HNF4A: variants seen among roughly 807,000 people sequenced by gnomAD.
HNF4A encodes the protein hepatocyte nuclear factor 4-alpha.
HNF4A carries 15 observed loss-of-function variants against 52.4 expected under a neutral mutation model. The ratio of observed to expected loss-of-function variants is 0.29; its 90% CI spans 0.19 to 0.44. The LOEUF is 0.44. Ranked by LOEUF, HNF4A falls within the 20% of genes least tolerant of loss-of-function variation. The pLI, the probability that HNF4A is intolerant of heterozygous loss-of-function variation, is 1.00. For synonymous variants in HNF4A, 280 were observed against 264.4 expected (o/e 1.06, Z -0.57); for missense variants, 479 against 647.2 (o/e 0.74, Z 2.82).
Position 44,429,587 on chromosome 20 carries a change from G to T in HNF4A, c.1347G>T (p.Leu449=). ...CAGGGTCTGAGCCCTATAAGCTCCT[G>T]CCGGGAGCCGTCGCCACAATCGTCA... The change falls in exon 10 of 10, where the codon CTG becomes CTT. Residue 449 remains leucine (L), a synonymous_variant. Transcript: ENST00000316099. The T allele has an allele frequency of 1.2e-6, 2 of 1,613,904 alleles. No individual in the cohort carries two copies. Among genetic ancestry groups the T allele is most frequent in the Non-Finnish European group, 1.7e-6 (2 of 1,179,980 alleles).
In HNF4A at chr20:44,419,819, C is replaced by G; in HGVS notation, c.835C>G (p.Leu279Val). Residue 279 changes from leucine (L) to valine (V), a missense_variant, in exon 7 of 10, where the codon CTG (leucine) becomes GTG (valine). Leu to Val is a conservative substitution (Grantham distance 32). Coordinates refer to ENST00000316099, the MANE Select transcript of HNF4A (RefSeq NM_000457.6). ...CGAGCTGGTGCTGCCCTTCCAGGAG[C>G]TGCAGATCGATGACAATGAGTATGC... 1 of 1,614,158 alleles carries G rather than the reference C, an allele frequency of 6.2e-7. No homozygotes were observed. The highest frequency in any genetic ancestry group is 8.5e-7 in the Non-Finnish European group (1 of 1,180,010).
At chr20:44,401,147 ATCCACCGGC>A, upstream of HNF4A, 1 of 1,361,316 alleles carries the variant, frequency 7.3e-7, no homozygotes, top group Non-Finnish European at 9.7e-7. Flanking sequence ...CGCCCAGCCT[ATCCACCGGC>A]GGGGGACCGA....
intron 3 of HNF4A, among the ~76,000 whole-genome samples, chr20:44,407,962 C>T (rs1469310148): frequency 3.3e-5 from 5 of 152,132 alleles, no homozygotes; most frequent in Admixed American, 6.5e-5. Context: ...GTGGGTATCA[C>T]GTGATCTCCA....
chr20:44,397,362 C>G (rs1600690493), upstream of HNF4A, among the ~76,000 whole-genome samples: 2 of 152,012 alleles, frequency 1.3e-5, no homozygotes, highest in African/African-American at 4.8e-5. Context: ...ATAATTGATA[C>G]ATAATAATTG....
chr20:44,358,972 A>G (rs2062889684), intron 1 of HNF4A, among the ~76,000 whole-genome samples: 2 of 152,118 alleles, frequency 1.3e-5, no homozygotes, highest in South Asian at 4.2e-4. Context: ...TCCACGGCAC[A>G]CTGGTTTTGG....
chr20:44,415,166 A>G (rs2063645716), intron 5 of HNF4A, among the ~76,000 whole-genome samples: 3 of 152,164 alleles, frequency 2.0e-5, no homozygotes, highest in South Asian at 4.1e-4. Flanking sequence ...TCTTATCTGT[A>G]AAGTGGAAAT....
chr20:44,383,549 CTT>C (rs538493291), intron 1 of HNF4A, among the ~76,000 whole-genome samples: 42 of 137,462 alleles, frequency 3.1e-4, no homozygotes, highest in Non-Finnish European at 3.1e-4. Context: ...TTGGGGACCT[CTT>C]TTTTTTTTTT....
chr20:44,387,193 C>T (rs1233129118), intron 1 of HNF4A, among the ~76,000 whole-genome samples: 1 of 148,140 alleles, frequency 6.8e-6, no homozygotes, highest in African/African-American at 2.5e-5. Flanking sequence ...GAGGCTGAGG[C>T]AGGAGAATTG....
chr20:44,406,170 C>T lies in HNF4A; in HGVS notation c.228C>T (p.Ser76=), dbSNP rs763756456. 3.7e-6 allele frequency: 6 copies of T among 1,613,886 alleles called. No homozygotes were observed. The African/African-American group carries it at 6.7e-5, about 18-fold the overall frequency. ...CGGGCAAACACTACGGTGCCTCGAG[C>T]TGTGACGGCTGCAAGGGCTTCTTCC... The change falls in exon 2 of 10, where the codon AGC becomes AGT. Residue 76 remains serine, a synonymous_variant. Transcript: ENST00000316099.
At chr20:44,394,660 G>C (rs1284282349) in intron 1 of HNF4A, among the ~76,000 whole-genome samples, 1 of 152,172 alleles carries the variant, frequency 6.6e-6, no homozygotes, top group African/African-American at 2.4e-5. Context: ...CCCAGCACAG[G>C]GGGAACAAGC....
chr20:44,374,229 G>A (rs1321626476), intron 1 of HNF4A, among the ~76,000 whole-genome samples: 2 of 152,156 alleles, frequency 1.3e-5, no homozygotes, highest in African/African-American at 4.8e-5. Context: ...AGAACATGCA[G>A]TATTTGTTTT....
In HNF4A at chr20:44,388,414, G is replaced by C. The variant is rs890559279; in HGVS notation, c.50-17644G>C. 3.1e-4 allele frequency among the ~76,000 whole-genome samples: 40 copies of C among 129,282 alleles called. 1 individual carries two copies. The highest frequency in any genetic ancestry group is 1.3e-3 in the African/African-American group (40 of 29,746). 84.8% of individuals were successfully genotyped at this position (129,282 alleles called of 152,430 possible). ...ACATTGGAACAAGGTGCTGGGAACA[G>C]AAGTTTAGTAGGTGGTGGAAGGGCA... On this transcript the variant is annotated intron_variant, in intron 1 of 9. Coordinates refer to the HNF4A transcript ENST00000316673.
intron 7 of HNF4A, among the ~76,000 whole-genome samples, chr20:44,421,360 T>C (rs1186100253): frequency 6.6e-6 from 1 of 152,184 alleles, no homozygotes. Flanking sequence ...GTGCCTGAAC[T>C]CTGGAGGCTT....
chr20:44,374,276 C>G (rs559947292), intron 1 of HNF4A, among the ~76,000 whole-genome samples: 3 of 152,168 alleles, frequency 2.0e-5, no homozygotes, highest in African/African-American at 7.2e-5. Context: ...ATGAGGTCCT[C>G]CAGCTCCATT....
exon 1 of HNF4A, chr20:44,355,792 G>T (rs1443632177): frequency 3.1e-6 from 5 of 1,613,470 alleles, no homozygotes; most frequent in Non-Finnish European, 4.2e-6. Flanking sequence ...TCTCCGGCTG[G>T]GTGGGCTTGG....
intron 1 of HNF4A, among the ~76,000 whole-genome samples, chr20:44,382,720 G>T (rs559796581): frequency 6.6e-6 from 1 of 152,178 alleles, no homozygotes; most frequent in Non-Finnish European, 1.5e-5. Context: ...CTGGGTTAGA[G>T]GTTTGGGCAG....
chr20:44,415,680 A>G lies in HNF4A; in HGVS notation c.648+1018A>G, dbSNP rs532249673. ...AGCTTCTGAGAAGTCTCGTCCAGGC[A>G]GTTGTTTGACTTTGCAGAGGCCGAG... On this transcript the variant is annotated intron_variant, in intron 5 of 9. Coordinates refer to ENST00000316099, the MANE Select transcript of HNF4A (RefSeq NM_000457.6). Among the ~76,000 whole-genome samples the G allele has an allele frequency of 2.6e-5, 4 of 152,320 alleles. No homozygotes were observed. The South Asian group carries it at 8.3e-4, about 32-fold the overall frequency.
chr20:44,411,391 C>T (rs972903916), intron 3 of HNF4A, among the ~76,000 whole-genome samples: 28 of 152,200 alleles, frequency 1.8e-4, no homozygotes, highest in South Asian at 8.3e-4. Flanking sequence ...GAGCTCGCGC[C>T]GGGCACTGAT....
chr20:44,389,322 T>C (rs2063273390), intron 1 of HNF4A, among the ~76,000 whole-genome samples: 1 of 152,192 alleles, frequency 6.6e-6, no homozygotes, highest in African/African-American at 2.4e-5. Context: ...AAACGCAAGC[T>C]CTGTGAGGGA....
Sources: gnomAD v4.1 joint callset for allele counts (sites outside exome capture counted in the v4.1 genomes callset) on GRCh38, gnomAD v4.1.1 for gene constraint, MANE v1.5 for transcripts, NCBI Gene and HGNC (gene_info 2026-07-23, HGNC 2026-07-21) for gene names.